TMEM117: variants seen among roughly 807,000 people sequenced by gnomAD.
TMEM117 encodes the protein transmembrane protein 117.
Under a neutral mutation model 52.4 loss-of-function variants are expected in TMEM117, and 27 were observed. The observed-to-expected ratio is 0.51, with a 90% CI of 0.38 to 0.71. The LOEUF (loss-of-function observed/expected upper bound fraction) is 0.71, where lower values mean the gene tolerates loss of function less well. Ranked by LOEUF, TMEM117 falls within the 30% of genes least tolerant of loss-of-function variation. TMEM117 has a pLI of 0.00. For synonymous variants in TMEM117, 215 were observed against 206.3 expected, an observed-to-expected ratio of 1.04 and a Z score of -0.36; for missense variants, 556 against 630.5, an observed-to-expected ratio of 0.88 and a Z score of 1.26.
intron 3 of TMEM117, among the ~76,000 whole-genome samples, chr12:44,133,048 A>C (rs1162110701): frequency 1.3e-5 from 2 of 152,216 alleles, no homozygotes; most frequent in Non-Finnish European, 1.5e-5. Context: ...TTGAGACTGC[A>C]GGGCATCAGT....
intron 5 of TMEM117, among the ~76,000 whole-genome samples, chr12:44,272,300 A>G (rs1484897012): frequency 6.6e-6 from 1 of 152,142 alleles, no homozygotes; most frequent in Non-Finnish European, 1.5e-5. Context: ...TCACCACTGA[A>G]TTCTATCAGA....
At chr12:43,798,693 C>T in the TMEM117 span, 1 of 1,201,496 alleles carries the variant, frequency 8.3e-7, no homozygotes, top group Non-Finnish European at 1.1e-6. Context: ...TAGATCCTTG[C>T]TACCAGTTTA....
At chr12:44,328,037 T>TA (rs1253263581) in intron 6 of TMEM117, among the ~76,000 whole-genome samples, 1 of 152,218 alleles carries the variant, frequency 6.6e-6, no homozygotes, top group Non-Finnish European at 1.5e-5. Flanking sequence ...GCCAGTTAAG[T>TA]AATTTGTAAA....
At chr12:44,350,884 A>T (rs1049998211) in intron 6 of TMEM117, among the ~76,000 whole-genome samples, 2 of 152,032 alleles carry the variant, frequency 1.3e-5, no homozygotes, top group African/African-American at 4.8e-5. Context: ...TATAACCAGC[A>T]GTGGGATTCC....
At chr12:44,177,927 C>T (rs1299743840) in intron 4 of TMEM117, among the ~76,000 whole-genome samples, 1 of 152,116 alleles carries the variant, frequency 6.6e-6, no homozygotes, top group Non-Finnish European at 1.5e-5. Flanking sequence ...TTTTCCTGAG[C>T]TTACATTCTG....
At chr12:43,796,461 C>T in the TMEM117 span, among the ~76,000 whole-genome samples, 1 of 152,098 alleles carries the variant, frequency 6.6e-6, no homozygotes, top group African/African-American at 2.4e-5. Flanking sequence ...AAATTGGTAG[C>T]TTAGTTCCCA....
chr12:44,206,423 T>C (rs1949567908), intron 4 of TMEM117, among the ~76,000 whole-genome samples: 1 of 152,202 alleles, frequency 6.6e-6, no homozygotes, highest in Non-Finnish European at 1.5e-5. Flanking sequence ...CAGTTTCTCA[T>C]GGCCTGTTTA....
intron 4 of TMEM117, among the ~76,000 whole-genome samples, chr12:44,151,248 T>A (rs1414115794): frequency 6.6e-6 from 1 of 152,118 alleles, no homozygotes; most frequent in Non-Finnish European, 1.5e-5. Flanking sequence ...TTATTTCTAT[T>A]ACTTAGTTTA....
At chr12:44,397,176 T>A in the TMEM117 span, among the ~76,000 whole-genome samples, 4 of 152,056 alleles carry the variant, frequency 2.6e-5, no homozygotes, top group Non-Finnish European at 4.4e-5. Flanking sequence ...GAGCAGCCAG[T>A]CAGAGGGGGC....
At chr12:44,313,906 AACCTCTTT>A in intron 6 of TMEM117, among the ~76,000 whole-genome samples, 1 of 152,092 alleles carries the variant, frequency 6.6e-6, no homozygotes, top group African/African-American at 2.4e-5. Context: ...TCTCAGCTTG[AACCTCTTT>A]GGTGTATAGA....
chr12:43,983,487 G>A (rs1945793367), intron 3 of TMEM117, among the ~76,000 whole-genome samples: 1 of 144,158 alleles, frequency 6.9e-6, no homozygotes. Flanking sequence ...TGGTGCAAAA[G>A]TAATTGTGGT....
chr12:43,806,361 G>A, the TMEM117 span: 1 of 1,244,310 alleles, frequency 8.0e-7, no homozygotes, highest in East Asian at 3.6e-5. Context: ...CCCGCGACCC[G>A]CGGCCGCCCC....
intron 3 of TMEM117, among the ~76,000 whole-genome samples, chr12:43,991,491 T>G (rs375552729): frequency 6.6e-6 from 1 of 152,054 alleles, no homozygotes; most frequent in Admixed American, 6.6e-5. Context: ...TCTCTGTCTA[T>G]CTATCTGTCC....
intron 3 of TMEM117, among the ~76,000 whole-genome samples, chr12:44,129,827 A>C (rs1267254214): frequency 1.3e-5 from 2 of 152,206 alleles, no homozygotes; most frequent in African/African-American, 4.8e-5. Flanking sequence ...TCCAAATGTG[A>C]ATTGTTCACA....
At chr12:43,958,691 G>A (rs557499755) in intron 3 of TMEM117, among the ~76,000 whole-genome samples, 1 of 152,290 alleles carries the variant, frequency 6.6e-6, no homozygotes, top group East Asian at 1.9e-4. Context: ...GGTGTGGTGA[G>A]TACCCTCAGT....
intron 2 of TMEM117, among the ~76,000 whole-genome samples, chr12:43,890,174 T>C (rs930345801): frequency 6.6e-6 from 1 of 152,328 alleles, no homozygotes; most frequent in African/African-American, 2.4e-5. Flanking sequence ...AGAAGTGACA[T>C]TTAATGTAGG....
At chr12:43,986,151 T>G (rs1353197793) in intron 3 of TMEM117, among the ~76,000 whole-genome samples, 1 of 152,148 alleles carries the variant, frequency 6.6e-6, no homozygotes, top group Non-Finnish European at 1.5e-5. Context: ...TTCAGTTGTC[T>G]TAACAAAGAT....
At chr12:44,319,108 G>A (rs2138694214) in intron 6 of TMEM117, among the ~76,000 whole-genome samples, 1 of 152,260 alleles carries the variant, frequency 6.6e-6, no homozygotes, top group Non-Finnish European at 1.5e-5. Flanking sequence ...ATTCAATTCT[G>A]GCTATGGAGG....
At chr12:44,141,963 G>A (rs1948577087) in intron 3 of TMEM117, among the ~76,000 whole-genome samples, 1 of 152,168 alleles carries the variant, frequency 6.6e-6, no homozygotes, top group African/African-American at 2.4e-5. Context: ...TGTGGACAGA[G>A]TAGATATTTG....
Sources: gnomAD v4.1 joint callset for allele counts (sites outside exome capture counted in the v4.1 genomes callset) on GRCh38, gnomAD v4.1.1 for gene constraint, MANE v1.5 for transcripts, NCBI Gene and HGNC (gene_info 2026-07-23, HGNC 2026-07-21) for gene names.